The following TAOK3 variants were observed in gnomAD, a reference collection of about 807,000 sequenced individuals.
The protein encoded by TAOK3 is serine/threonine-protein kinase TAO3.
TAOK3 carries 40 observed loss-of-function variants against 120.4 expected under a neutral mutation model. That is an observed-to-expected ratio of 0.33 (90% CI 0.26 to 0.43). The LOEUF (loss-of-function observed/expected upper bound fraction) is 0.43, where lower values mean the gene tolerates loss of function less well. Among genes scored for constraint, TAOK3 ranks in the 20% least tolerant of loss-of-function variants. The pLI is 1.00. For synonymous variants in TAOK3, 355 were observed against 387.5 expected (o/e 0.92, Z 0.99); for missense variants, 821 against 1,112.1 (o/e 0.74, Z 3.72).
At chr12:118,219,329 C>T (rs1426468174) in intron 9 of TAOK3, among the ~76,000 whole-genome samples, 2 of 151,974 alleles carry the variant, frequency 1.3e-5, no homozygotes, top group African/African-American at 4.8e-5. Context: ...CAGCTCATTG[C>T]AACCTCAAAC....
At chr12:118,364,495 C>G (rs1016486331) in intron 1 of TAOK3, among the ~76,000 whole-genome samples, 1 of 152,008 alleles carries the variant, frequency 6.6e-6, no homozygotes, top group African/African-American at 2.4e-5. Context: ...TTTCAATTTC[C>G]CTATGTATGA....
At chr12:118,297,948 T>C (rs886144685) in intron 1 of TAOK3, among the ~76,000 whole-genome samples, 12 of 152,050 alleles carry the variant, frequency 7.9e-5, no homozygotes, top group African/African-American at 2.9e-4. Flanking sequence ...ACCAGCTAAT[T>C]TTTAAATTTT....
chr12:118,159,938 C>T (rs2035109016), intron 19 of TAOK3: 3 of 591,638 alleles, frequency 5.1e-6, no homozygotes, highest in Non-Finnish European at 9.0e-6. Context: ...TGGCATGTCA[C>T]TCCTTGAGTT....
rs1291003929 is a variant in TAOK3, at chr12:118,182,597, G to GTA, written c.1330-991_1330-990insTA. ...TTTGTATATGTGTGTGTGTGTGTGTGTGTATATATATATATATATATATAT... is the reference window on the plus strand; with the variant it reads ...TTTGTATATGTGTGTGTGTGTGTGTGTATGTATATATATATATATATATATAT... On this transcript the variant is annotated intron_variant, in intron 14 of 20. Coordinates refer to ENST00000392533, the MANE Select transcript of TAOK3 (RefSeq NM_016281.4). Among the ~76,000 whole-genome samples, 353 of 77,372 alleles carry GTA rather than the reference G, an allele frequency of 4.6e-3. 1 individual carries two copies. Among genetic ancestry groups the GTA allele is most frequent in the South Asian group, 9.0e-3 (14 of 1,550 alleles). 50.8% of individuals were successfully genotyped at this position (77,372 alleles called of 152,430 possible).
At chr12:118,154,532 C>T (rs2034669231) in intron 19 of TAOK3, among the ~76,000 whole-genome samples, 1 of 152,120 alleles carries the variant, frequency 6.6e-6, no homozygotes, top group Non-Finnish European at 1.5e-5. Context: ...CTCCTTCTCC[C>T]AGGTTCAAGT....
At chr12:118,182,758 C>A (rs949660603) in intron 14 of TAOK3, among the ~76,000 whole-genome samples, 2 of 151,190 alleles carry the variant, frequency 1.3e-5, no homozygotes, top group Non-Finnish European at 2.9e-5. Context: ...ATGTCTCCCC[C>A]ATCCCCTTCT....
chr12:118,255,437 T>C lies in TAOK3; in HGVS notation c.120+11A>G. 9 of 1,614,002 alleles carry C rather than the reference T, an allele frequency of 5.6e-6. No individual in the cohort carries two copies. Among genetic ancestry groups the C allele is most frequent in the Non-Finnish European group, 7.6e-6 (9 of 1,179,932 alleles). On this transcript the variant is annotated intron_variant, in intron 3 of 20. Coordinates refer to ENST00000392533, the MANE Select transcript of TAOK3 (RefSeq NM_016281.4). The stretch of plus-strand genomic sequence containing the variant: ...ATCTGATCTATCTAAAAGACTCTTT[T>C]AAGTACTTACAAAATAAACTGCTCC...
chr12:118,188,635 A>C (rs558506341), intron 14 of TAOK3, among the ~76,000 whole-genome samples: 1 of 152,336 alleles, frequency 6.6e-6, no homozygotes, highest in East Asian at 1.9e-4. Context: ...AATCCATTAT[A>C]ATTTTCAAAG....
At chr12:118,352,363 G>T (rs2045209003) in intron 1 of TAOK3, among the ~76,000 whole-genome samples, 1 of 151,532 alleles carries the variant, frequency 6.6e-6, no homozygotes, top group Non-Finnish European at 1.5e-5. Flanking sequence ...AATTAGCCAG[G>T]CATGGTGGCA....
At chr12:118,349,100 C>T (rs1370771209) in intron 1 of TAOK3, among the ~76,000 whole-genome samples, 1 of 152,070 alleles carries the variant, frequency 6.6e-6, no homozygotes, top group Non-Finnish European at 1.5e-5. Context: ...CCATGTTGCC[C>T]AGGCTGGTCT....
At chr12:118,358,570 C>A (rs1388637720) in intron 1 of TAOK3, among the ~76,000 whole-genome samples, 1 of 152,026 alleles carries the variant, frequency 6.6e-6, no homozygotes, top group African/African-American at 2.4e-5. Flanking sequence ...TTTAAGATGA[C>A]CTTCAGTATA....
intron 2 of TAOK3, among the ~76,000 whole-genome samples, chr12:118,259,868 C>CTGGG (rs2041149868): frequency 6.6e-6 from 1 of 152,082 alleles, no homozygotes; most frequent in Non-Finnish European, 1.5e-5. Context: ...AAAGGGTTCC[C>CTGGG]CTCAAGTCTT....
At chr12:118,279,811 C>T (rs150869279) in intron 1 of TAOK3, among the ~76,000 whole-genome samples, 5 of 150,484 alleles carry the variant, frequency 3.3e-5, no homozygotes, top group African/African-American at 1.2e-4. Context: ...GTCAACCAGG[C>T]TGGAGTGCAG....
At chr12:118,247,660 G>A (rs1324042518) in intron 3 of TAOK3, among the ~76,000 whole-genome samples, 11 of 151,770 alleles carry the variant, frequency 7.2e-5, no homozygotes, top group African/African-American at 1.7e-4. Flanking sequence ...GATTACAGGC[G>A]GCCACCACCA....
chr12:118,218,518 T>C (rs1419928441), intron 9 of TAOK3, among the ~76,000 whole-genome samples: 1 of 152,124 alleles, frequency 6.6e-6, no homozygotes, highest in East Asian at 1.9e-4. Context: ...TGATATCTAG[T>C]GTAATGTAAA....
In TAOK3 at chr12:118,241,908, C is replaced by T. The variant is rs186361988; in HGVS notation, c.294+1507G>A. On this transcript the variant is annotated intron_variant, in intron 5 of 20. Transcript: ENST00000392533. The stretch of plus-strand genomic sequence containing the variant: ...GGCGGATCACCTGAGGTCGGGAGTT[C>T]GAGACCAGCCTGACCAACATGGAGA... Among the ~76,000 whole-genome samples, 506 of 151,896 alleles carry T rather than the reference C, an allele frequency of 3.3e-3. 8 individuals are homozygous for T. Among genetic ancestry groups the T allele is most frequent in the East Asian group, 0.023 (119 of 5,158 alleles).
At chr12:118,344,598 T>C (rs1345468899) in intron 1 of TAOK3, among the ~76,000 whole-genome samples, 1 of 152,140 alleles carries the variant, frequency 6.6e-6, no homozygotes, top group Non-Finnish European at 1.5e-5. Flanking sequence ...GTCCTGTTTT[T>C]TAACACTTGC....
chr12:118,222,095 T>C (rs1299196681), intron 9 of TAOK3, among the ~76,000 whole-genome samples: 2 of 152,166 alleles, frequency 1.3e-5, no homozygotes, highest in African/African-American at 2.4e-5. Context: ...TTCAGGAAGG[T>C]CAGTTTGATC....
chr12:118,223,062 C>CTT lies in TAOK3; in HGVS notation c.644-8954_644-8953dup, dbSNP rs75334511. 5.5e-3 allele frequency among the ~76,000 whole-genome samples: 655 copies of CTT among 120,032 alleles called. 5 individuals carry two copies. The highest frequency in any genetic ancestry group is 0.01 in the African/African-American group (297 of 28,366). 78.7% of individuals were successfully genotyped at this position (120,032 alleles called of 152,430 possible). ...GGTATAAGGGTTCTTTTCTTTCTTTCTTTTTTTTTTTTTTTTTTTTTTTTT... is the reference window on the plus strand; with the variant it reads ...GGTATAAGGGTTCTTTTCTTTCTTTCTTTTTTTTTTTTTTTTTTTTTTTTTTT... On this transcript the variant is annotated intron_variant, in intron 9 of 20. Coordinates refer to ENST00000392533, the MANE Select transcript of TAOK3 (RefSeq NM_016281.4).
Sources: allele counts gnomAD v4.1 joint callset (sites outside exome capture counted in the v4.1 genomes callset), GRCh38; gene constraint gnomAD v4.1.1; transcripts MANE v1.5; gene names NCBI Gene and HGNC (gene_info 2026-07-23, HGNC 2026-07-21).